The following SLCO1A2 variants were observed in gnomAD, a reference collection of about 807,000 sequenced individuals.
SLCO1A2 encodes solute carrier organic anion transporter family member 1A2, also known as OATP-1.
SLCO1A2 carries 67 observed loss-of-function variants against 69.0 expected under a neutral mutation model. The ratio of observed to expected loss-of-function variants is 0.97; its 90% CI spans 0.80 to 1.19. SLCO1A2 has a LOEUF of 1.19. Among genes scored for constraint, SLCO1A2 ranks in the 50% most tolerant of loss-of-function variants. SLCO1A2 has a pLI of 0.00. For missense variants in SLCO1A2, 787 were observed against 793.7 expected, an observed-to-expected ratio of 0.99 and a Z score of 0.10; for synonymous variants, 260 against 265.9, an observed-to-expected ratio of 0.98 and a Z score of 0.22.
chr12:21,392,427 A>G (rs955731533), intron 1 of SLCO1A2, among the ~76,000 whole-genome samples: 1 of 152,284 alleles, frequency 6.6e-6, no homozygotes, highest in South Asian at 2.1e-4. Flanking sequence ...TTTCCTAAGT[A>G]TGAATTGGAC....
rs965911119 is a variant in SLCO1A2, at chr12:21,349,513, C to T, written c.-62-14804G>A. ...TTGCCTTCCATCTGGGCTCCCCATACGTATCCTTGCTCTCTTGTACTCAAT... is the reference window on the plus strand; with the variant it reads ...TTGCCTTCCATCTGGGCTCCCCATATGTATCCTTGCTCTCTTGTACTCAAT... On this transcript the variant is annotated intron_variant, in intron 2 of 15. Transcript: ENST00000307378. 3.3e-5 allele frequency among the ~76,000 whole-genome samples: 5 copies of T among 152,186 alleles called. No individual in the cohort carries two copies. The East Asian group carries it at 7.7e-4, about 23-fold the overall frequency.
At chr12:21,401,283 T>C (rs977481454) in intron 1 of SLCO1A2, among the ~76,000 whole-genome samples, 3 of 151,818 alleles carry the variant, frequency 2.0e-5, no homozygotes, top group African/African-American at 4.8e-5. Context: ...ATACAAAATA[T>C]ATAAAACCAA....
intron 1 of SLCO1A2, among the ~76,000 whole-genome samples, chr12:21,387,621 C>T (rs1463003415): frequency 6.6e-6 from 1 of 152,234 alleles, no homozygotes; most frequent in Admixed American, 6.5e-5. Flanking sequence ...TGTGTGGAAA[C>T]ACCTGGATGT....
Position 21,318,899 on chromosome 12 carries a change from C to A in SLCO1A2, c.85G>T (p.Ala29Ser). The stretch of plus-strand genomic sequence containing the variant: ...CCAGACAGTGTTTTGGATACAAATG[C>A]ACATGTTATTGCCAACAGAAACATC... ...LKMFLLAITC[A>S]FVSKTLSGSY... Residue 29 changes from alanine (A) to serine (S), a missense_variant, in exon 3 of 15, where the codon GCA (alanine) becomes TCA (serine). Physicochemically the swap from Ala to Ser is moderately conservative, Grantham distance 99 (BLOSUM62 1). Transcript: ENST00000683939. 6.3e-7 allele frequency: 1 copy of A among 1,592,880 alleles called. No homozygotes were observed. Among genetic ancestry groups the A allele is most frequent in the Non-Finnish European group, 8.5e-7 (1 of 1,173,592 alleles).
At chr12:21,397,999 C>G (rs1314374779), upstream of SLCO1A2, among the ~76,000 whole-genome samples, 1 of 88,190 alleles carries the variant, frequency 1.1e-5, no homozygotes, top group African/African-American at 4.3e-5. Flanking sequence ...CAAAAGCTAG[C>G]AGAAGGCAAG....
chr12:21,318,948 T>C, intron 2 of SLCO1A2, 25 bp from the exon 3 acceptor site: 1 of 1,545,744 alleles, frequency 6.5e-7, no homozygotes, highest in Non-Finnish European at 8.7e-7. Context: ...TAAGAAAACG[T>C]AGAAAAAATT....
At chr12:21,336,408 G>GT (rs139593418), upstream of SLCO1A2, among the ~76,000 whole-genome samples, 10,656 of 151,794 alleles carry the variant, frequency 0.07, 1,199 homozygotes, top group African/African-American at 0.24. Context: ...TCTAGAGCAG[G>GT]TTTTTTCACT....
intron 2 of SLCO1A2, among the ~76,000 whole-genome samples, chr12:21,343,559 C>A (rs895939841): frequency 5.3e-5 from 8 of 152,000 alleles, no homozygotes; most frequent in Non-Finnish European, 7.4e-5. Flanking sequence ...TTCCATTCAT[C>A]AAGATTGAAT....
chr12:21,299,894 A>ATATATATACGTGTGTG (rs1948436295), intron 8 of SLCO1A2, among the ~76,000 whole-genome samples: 1 of 146,686 alleles, frequency 6.8e-6, no homozygotes, highest in African/African-American at 2.5e-5. Flanking sequence ...ATACGTGTAT[A>ATATATATACGTGTGTG]TATATATATA....
At chr12:21,310,202 C>G (rs112130054) in intron 4 of SLCO1A2, among the ~76,000 whole-genome samples, 2,285 of 152,208 alleles carry the variant, frequency 0.015, 51 homozygotes, top group African/African-American at 0.053. Context: ...AGACATTGCA[C>G]GTTTGGTTCC....
upstream of SLCO1A2, among the ~76,000 whole-genome samples, chr12:21,397,310 CAAG>C (rs1941504632): frequency 6.6e-6 from 1 of 151,984 alleles, no homozygotes; most frequent in African/African-American, 2.4e-5. Context: ...ATCAATTCAA[CAAG>C]AAGAGCTAAC....
intron 1 of SLCO1A2, among the ~76,000 whole-genome samples, chr12:21,384,332 A>C (rs1940759775): frequency 6.6e-6 from 1 of 152,244 alleles, no homozygotes; most frequent in Non-Finnish European, 1.5e-5. Context: ...AGATTTGCAT[A>C]AGTAGATACC....
chr12:21,274,900 T>G, intron 13 of SLCO1A2: 1 of 1,058,950 alleles, frequency 9.4e-7, no homozygotes, highest in Non-Finnish European at 1.1e-6. Flanking sequence ...GCAGAGCATT[T>G]TCTTTCATTT....
At chr12:21,313,571 G>C (rs1278144964) in intron 4 of SLCO1A2, among the ~76,000 whole-genome samples, 1 of 152,082 alleles carries the variant, frequency 6.6e-6, no homozygotes, top group Non-Finnish European at 1.5e-5. Flanking sequence ...AATTAACTGA[G>C]TGTAGTGGCA....
At chr12:21,371,824 G>A (rs1019094835) in intron 2 of SLCO1A2, among the ~76,000 whole-genome samples, 4 of 152,038 alleles carry the variant, frequency 2.6e-5, no homozygotes, top group African/African-American at 9.7e-5. Context: ...CCAACATAGA[G>A]AATCCCCGTC....
intron 2 of SLCO1A2, among the ~76,000 whole-genome samples, chr12:21,351,418 G>A (rs1459862654): frequency 1.3e-5 from 2 of 152,052 alleles, no homozygotes; most frequent in African/African-American, 4.8e-5. Context: ...TTACCTCCAG[G>A]AGCATCATAC....
chr12:21,293,190 C>G (rs2136322062), intron 11 of SLCO1A2, among the ~76,000 whole-genome samples: 1 of 152,174 alleles, frequency 6.6e-6, no homozygotes, highest in African/African-American at 2.4e-5. Context: ...GTCATCCTAG[C>G]TACTCAGGAG....
intron 2 of SLCO1A2, chr12:21,319,268 C>T: frequency 9.0e-7 from 1 of 1,109,502 alleles, no homozygotes; most frequent in Non-Finnish European, 1.3e-6. Context: ...AGAATTCATA[C>T]ATGTACTGTA....
upstream of SLCO1A2, among the ~76,000 whole-genome samples, chr12:21,398,088 G>C (rs1941542191): frequency 1.4e-5 from 2 of 138,866 alleles, no homozygotes; most frequent in Admixed American, 1.5e-4. Context: ...TCCAGGAGCT[G>C]GTTTTTTGAA....
Sources: allele counts gnomAD v4.1 joint callset (sites outside exome capture counted in the v4.1 genomes callset), GRCh38; gene constraint gnomAD v4.1.1; transcripts MANE v1.5; gene names NCBI Gene and HGNC (gene_info 2026-07-23, HGNC 2026-07-21).